The following RHOH variants were observed in gnomAD, a reference collection of about 807,000 sequenced individuals.
RHOH encodes the protein rho-related GTP-binding protein RhoH.
Under a neutral mutation model 13.8 loss-of-function variants are expected in RHOH, and 6 were observed. That is an observed-to-expected ratio of 0.44 (90% confidence interval 0.24 to 0.86). RHOH has a LOEUF of 0.86. Among genes scored for constraint, RHOH ranks in the 40% least tolerant of loss-of-function variants. The probability of loss-of-function intolerance (pLI) is 0.24; values close to 1 mark genes in which losing one functional copy is unlikely to be tolerated. For missense variants in RHOH, 147 were observed against 244.5 expected, an observed-to-expected ratio of 0.60 and a Z score of 2.66; for synonymous variants, 117 against 103.0, an observed-to-expected ratio of 1.14 and a Z score of -0.82.
upstream of RHOH, among the ~76,000 whole-genome samples, chr4:40,192,337 C>T (rs940807430): frequency 2.0e-5 from 3 of 152,184 alleles, no homozygotes; most frequent in Middle Eastern, 3.2e-3. Context: ...ACATTAAAAG[C>T]TACCCACTGA....
chr4:40,207,764 C>T (rs1278096004), intron 1 of RHOH, among the ~76,000 whole-genome samples: 3 of 152,130 alleles, frequency 2.0e-5, no homozygotes, highest in East Asian at 1.9e-4. Context: ...GTCAGGAGTT[C>T]GAGACCAGCC....
chr4:40,200,867 C>A (rs532352267), intron 1 of RHOH, among the ~76,000 whole-genome samples: 1 of 152,214 alleles, frequency 6.6e-6, no homozygotes, highest in Non-Finnish European at 1.5e-5. Flanking sequence ...AAATCACATT[C>A]TTTTCTGGTA....
At chr4:40,212,056 A>G (rs1725332561) in intron 1 of RHOH, among the ~76,000 whole-genome samples, 1 of 152,212 alleles carries the variant, frequency 6.6e-6, no homozygotes, top group Admixed American at 6.5e-5. Flanking sequence ...ATAATGATTT[A>G]GATGATTAAA....
At chr4:40,238,663 G>C (rs1320288361) in intron 1 of RHOH, among the ~76,000 whole-genome samples, 1 of 152,176 alleles carries the variant, frequency 6.6e-6, no homozygotes, top group Non-Finnish European at 1.5e-5. Context: ...AAATTATGGA[G>C]ACCCCGGAGG....
intron 1 of RHOH, among the ~76,000 whole-genome samples, chr4:40,225,067 C>T (rs1425747878): frequency 2.0e-5 from 3 of 152,110 alleles, no homozygotes; most frequent in Admixed American, 6.6e-5. Context: ...TGCTACCATG[C>T]CCAACTAATT....
chr4:40,220,816 TA>T (rs984118553), intron 1 of RHOH, among the ~76,000 whole-genome samples: 1 of 152,196 alleles, frequency 6.6e-6, no homozygotes, highest in African/African-American at 2.4e-5. Context: ...ACTGAACCAT[TA>T]AAAAAGAATT....
intron 1 of RHOH, among the ~76,000 whole-genome samples, chr4:40,208,063 CT>C (rs1311970064): frequency 2.6e-5 from 4 of 151,712 alleles, no homozygotes; most frequent in African/African-American, 7.3e-5. Flanking sequence ...TTTATATCTA[CT>C]TTTTTTTGGA....
chr4:40,197,723 A>G (rs1331075230), intron 1 of RHOH, among the ~76,000 whole-genome samples: 1 of 152,248 alleles, frequency 6.6e-6, no homozygotes, highest in Admixed American at 6.5e-5. Flanking sequence ...TAAATGATGT[A>G]GATTTCAATC....
chr4:40,200,125 T>G (rs1252182477), intron 1 of RHOH, among the ~76,000 whole-genome samples: 2 of 152,030 alleles, frequency 1.3e-5, no homozygotes, highest in African/African-American at 4.8e-5. Context: ...TGGGGTGGGC[T>G]GTGAGAGCAA....
chr4:40,211,517 G>A (rs566701353), intron 1 of RHOH, among the ~76,000 whole-genome samples: 8 of 152,218 alleles, frequency 5.3e-5, no homozygotes, highest in East Asian at 3.9e-4. Context: ...CAAGTGATCC[G>A]CCTGCCTCGG....
At position 40,244,842 on chromosome 4, in the gene RHOH, G is replaced by A. The variant is rs941838851; in HGVS notation, c.*880G>A. On this transcript the variant is annotated 3_prime_UTR_variant, in exon 3 of 3. Transcript: ENST00000381799. ...CTGGTAGGGTGGTTCCCAGGCGACT[G>A]CAGGTCCTGTGAAAGACAGGGGTCT... is the stretch of plus-strand genomic sequence containing the variant. 1 of 170,022 alleles carries A rather than the reference G, an allele frequency of 5.9e-6. No individual in the cohort carries two copies. The highest frequency in any genetic ancestry group is 2.4e-5 in the African/African-American group (1 of 41,984). 10.5% of individuals were successfully genotyped at this position (170,022 alleles called of 1,614,324 possible).
intron 1 of RHOH, among the ~76,000 whole-genome samples, chr4:40,240,802 A>G (rs1469087571): frequency 6.6e-6 from 1 of 151,958 alleles, no homozygotes; most frequent in Non-Finnish European, 1.5e-5. Flanking sequence ...AAATAAATAA[A>G]TAAATAAATG....
chr4:40,192,201 A>G (rs1166076017), upstream of RHOH, among the ~76,000 whole-genome samples: 1 of 152,230 alleles, frequency 6.6e-6, no homozygotes, highest in African/African-American at 2.4e-5. Context: ...GGTGAGAATA[A>G]TTGCAATACG....
At chr4:40,234,793 T>A (rs1194418409) in intron 1 of RHOH, among the ~76,000 whole-genome samples, 1 of 142,698 alleles carries the variant, frequency 7.0e-6, no homozygotes, top group Non-Finnish European at 1.5e-5. Context: ...TCTTGCTATG[T>A]TGCCCAGGCT....
chr4:40,195,508 C>CTGGAGTG (rs1723056494), upstream of RHOH, among the ~76,000 whole-genome samples: 1 of 151,518 alleles, frequency 6.6e-6, no homozygotes, highest in Non-Finnish European at 1.5e-5. Flanking sequence ...TGTCCCCAGG[C>CTGGAGTG]TGGAGTGTGG....
chr4:40,198,253 G>A (rs1415550243), intron 1 of RHOH, among the ~76,000 whole-genome samples: 1 of 152,210 alleles, frequency 6.6e-6, no homozygotes, highest in Non-Finnish European at 1.5e-5. Context: ...AGAAGGAGAA[G>A]GGGCAGGTGA....
chr4:40,213,387 T>C (rs1176175199), intron 1 of RHOH, among the ~76,000 whole-genome samples: 1 of 150,842 alleles, frequency 6.6e-6, no homozygotes, highest in Non-Finnish European at 1.5e-5. Context: ...TCTCTCTCTC[T>C]CTCACACACA....
intron 1 of RHOH, among the ~76,000 whole-genome samples, chr4:40,199,727 C>A (rs1579223819): frequency 6.6e-6 from 1 of 152,136 alleles, no homozygotes. Flanking sequence ...TTAGTGCTAG[C>A]AAGGCACAGC....
chr4:40,232,196 C>T (rs1728023632), intron 1 of RHOH, among the ~76,000 whole-genome samples: 1 of 151,512 alleles, frequency 6.6e-6, no homozygotes, highest in Non-Finnish European at 1.5e-5. Flanking sequence ...AGGTTAGTAA[C>T]ATTTAAGTTA....
Sources: allele counts gnomAD v4.1 joint callset (sites outside exome capture counted in the v4.1 genomes callset), GRCh38; gene constraint gnomAD v4.1.1; transcripts MANE v1.5; gene names NCBI Gene and HGNC (gene_info 2026-07-23, HGNC 2026-07-21).